The following COL24A1 variants were observed in gnomAD, a reference collection of about 807,000 sequenced individuals.
COL24A1 encodes the protein collagen type XXIV alpha 1 chain, also known as collagen alpha-1(XXIV) chain.
Under a neutral mutation model 253.9 loss-of-function variants are expected in COL24A1, and 224 were observed. The ratio of observed to expected loss-of-function variants is 0.88; its 90% CI spans 0.79 to 0.99. The LOEUF (loss-of-function observed/expected upper bound fraction) is 0.99. COL24A1 is among the 50% of genes least tolerant of loss of function. The pLI, the probability that COL24A1 is intolerant of heterozygous loss-of-function variation, is 0.00. For missense variants in COL24A1, 2,131 were observed against 2,068.5 expected (o/e 1.03, Z -0.59); for synonymous variants, 685 against 673.7 (o/e 1.02, Z -0.26).
rs745494458 is a variant in COL24A1 at position 86,003,736 on chromosome 1, G to A, written c.2310+13415C>T. Among the ~76,000 whole-genome samples the A allele has an allele frequency of 5.9e-5, 9 of 151,988 alleles. No homozygotes were observed. In the East Asian group the frequency reaches 7.7e-4, roughly 13 times the overall value. ...TGAAGTGAGGATATATAGATTCCTC[G>A]GCAGTAATCAATGGCATGGCTATCT... On this transcript the variant is annotated intron_variant, in intron 19 of 59. Transcript: ENST00000370571.
At chr1:85,880,426 C>T (rs1341801477) in intron 32 of COL24A1, among the ~76,000 whole-genome samples, 1 of 152,084 alleles carries the variant, frequency 6.6e-6, no homozygotes, top group Non-Finnish European at 1.5e-5. Flanking sequence ...AAAATCAGTT[C>T]TTGAAGATTT....
intron 53 of COL24A1, among the ~76,000 whole-genome samples, chr1:85,764,250 G>A (rs913047292): frequency 6.6e-6 from 1 of 152,066 alleles, no homozygotes; most frequent in East Asian, 1.9e-4. Flanking sequence ...TCCTAGGGTG[G>A]TAGGGGGACA....
In COL24A1 at chr1:85,872,117, C is replaced by T. The variant is rs544765703; in HGVS notation, c.3138+2532G>A. Among the ~76,000 whole-genome samples, 31 of 152,158 alleles carry T rather than the reference C, an allele frequency of 2.0e-4. 1 individual carries two copies. In the South Asian group the frequency reaches 6.4e-3, roughly 32 times the overall value. ...CAATTGCTTCAAAGAGAATAAAATA[C>T]CTAGGAATCCAGCTTACAAGGGATG... On this transcript the variant is annotated intron_variant, in intron 35 of 59. Transcript: ENST00000370571.
intron 37 of COL24A1, among the ~76,000 whole-genome samples, chr1:85,856,510 T>C (rs1678453530): frequency 6.6e-6 from 1 of 152,282 alleles, no homozygotes; most frequent in Admixed American, 6.5e-5. Context: ...TTTTGAGAAA[T>C]TTGTATTCTA....
intron 24 of COL24A1, among the ~76,000 whole-genome samples, chr1:85,960,290 C>T (rs1354826364): frequency 1.3e-5 from 2 of 152,132 alleles, no homozygotes; most frequent in Non-Finnish European, 2.9e-5. Context: ...AACGAATTCA[C>T]TTTCCTGGTG....
chr1:85,842,786 T>A (rs1039769778), intron 39 of COL24A1, among the ~76,000 whole-genome samples: 2 of 152,130 alleles, frequency 1.3e-5, no homozygotes, highest in African/African-American at 4.8e-5. Flanking sequence ...CACTACGGGA[T>A]CCAGAACTCC....
intron 14 of COL24A1, chr1:86,030,696 C>T (rs992887176): frequency 3.3e-5 from 5 of 152,000 alleles, no homozygotes; most frequent in African/African-American, 9.7e-5. Context: ...GGAGGGGGCT[C>T]CACCAGAGCT....
chr1:86,128,413 A>G (rs1254324917), intron 2 of COL24A1, among the ~76,000 whole-genome samples: 8 of 152,000 alleles, frequency 5.3e-5, no homozygotes, highest in Non-Finnish European at 8.8e-5. Flanking sequence ...GGAAATCACA[A>G]TGCTTAAATT....
In COL24A1 at chr1:85,868,645, G is replaced by A. The variant is rs754777962; in HGVS notation, c.3193-19C>T. On this transcript the variant is annotated intron_variant, in intron 36 of 59. Coordinates refer to ENST00000370571, the MANE Select transcript of COL24A1 (RefSeq NM_152890.7). ...GTACTCCCTGTAATGCAATAAAAAA[G>A]TTTTCTATAAAGGAATACAGTGAAA... 1.2e-6 allele frequency: 2 copies of A among 1,601,408 alleles called. No homozygotes were observed. The highest frequency in any genetic ancestry group is 1.7e-6 in the Non-Finnish European group (2 of 1,170,082).
chr1:85,980,420 C>T (rs995842566), intron 20 of COL24A1, among the ~76,000 whole-genome samples: 4 of 152,012 alleles, frequency 2.6e-5, no homozygotes, highest in African/African-American at 9.7e-5. Flanking sequence ...GATTGTATAC[C>T]TATAAAACCC....
At chr1:85,797,207 CAA>C (rs1181001829) in intron 47 of COL24A1, among the ~76,000 whole-genome samples, 3 of 66,176 alleles carry the variant, frequency 4.5e-5, no homozygotes, top group Non-Finnish European at 2.8e-5. Context: ...GACTCCGTCT[CAA>C]AAAAAAAAAA....
intron 24 of COL24A1, among the ~76,000 whole-genome samples, chr1:85,950,685 C>A (rs1689805880): frequency 6.6e-6 from 1 of 152,118 alleles, no homozygotes; most frequent in Non-Finnish European, 1.5e-5. Context: ...GTTTTTGCTT[C>A]ACGAATCATG....
At chr1:85,947,353 T>A (rs1412641837) in intron 24 of COL24A1, among the ~76,000 whole-genome samples, 1 of 152,214 alleles carries the variant, frequency 6.6e-6, no homozygotes, top group African/African-American at 2.4e-5. Flanking sequence ...TACAATCTAG[T>A]GTCCGCAGTC....
intron 14 of COL24A1, among the ~76,000 whole-genome samples, chr1:86,028,348 C>T (rs1194176454): frequency 6.6e-6 from 1 of 152,150 alleles, no homozygotes; most frequent in Non-Finnish European, 1.5e-5. Context: ...AATTATAATT[C>T]CCATAACCCC....
chr1:85,961,214 G>C (rs775081417), intron 24 of COL24A1, 35 bp downstream of exon 24: 1 of 1,472,516 alleles, frequency 6.8e-7, no homozygotes, highest in Non-Finnish European at 9.5e-7. Flanking sequence ...AATGCTTACA[G>C]CTGATTAAAA....
At chr1:85,756,427 A>C (rs1666267975) in intron 55 of COL24A1, among the ~76,000 whole-genome samples, 1 of 152,222 alleles carries the variant, frequency 6.6e-6, no homozygotes, top group Admixed American at 6.5e-5. Context: ...TCAAAAAAAA[A>C]AAATACAAAT....
intron 24 of COL24A1, among the ~76,000 whole-genome samples, chr1:85,918,074 C>A (rs1312225342): frequency 6.6e-6 from 1 of 150,916 alleles, no homozygotes; most frequent in African/African-American, 2.4e-5. Context: ...TTTTTGATAT[C>A]TTTCATTGAC....
At chr1:86,091,529 C>T (rs2101972711) in intron 6 of COL24A1, among the ~76,000 whole-genome samples, 1 of 152,144 alleles carries the variant, frequency 6.6e-6, no homozygotes, top group South Asian at 2.1e-4. Context: ...AATTATATTA[C>T]ATTTATAAAG....
intron 2 of COL24A1, among the ~76,000 whole-genome samples, chr1:86,140,552 A>G (rs1650930894): frequency 6.6e-6 from 1 of 152,258 alleles, no homozygotes; most frequent in East Asian, 1.9e-4. Flanking sequence ...AACACATTTC[A>G]GATTAATTTC....
Sources: gnomAD v4.1 joint callset for allele counts (sites outside exome capture counted in the v4.1 genomes callset) on GRCh38, gnomAD v4.1.1 for gene constraint, MANE v1.5 for transcripts, NCBI Gene and HGNC (gene_info 2026-07-23, HGNC 2026-07-21) for gene names.